Variants in EXOSC8 observed in about 807,000 individuals in gnomAD.
The protein encoded by EXOSC8 is exosome complex component RRP43.
In EXOSC8, 37 loss-of-function variants were observed where a neutral mutation model predicts 39.9. The observed-to-expected ratio is 0.93, with a 90% CI of 0.71 to 1.22. The LOEUF (loss-of-function observed/expected upper bound fraction) is 1.22, where lower values mean the gene tolerates loss of function less well. Among genes scored for constraint, EXOSC8 ranks in the 50% most tolerant of loss-of-function variants. The probability of loss-of-function intolerance (pLI) is 0.00; values close to 1 mark genes in which losing one functional copy is unlikely to be tolerated. For missense variants in EXOSC8, 313 were observed against 326.6 expected, an observed-to-expected ratio of 0.96 and a Z score of 0.32; for synonymous variants, 93 against 109.5, an observed-to-expected ratio of 0.85 and a Z score of 0.94.
chr13:37,004,864 C>T (rs1005147030), intron 5 of EXOSC8, among the ~76,000 whole-genome samples: 10 of 152,040 alleles, frequency 6.6e-5, no homozygotes, highest in African/African-American at 2.4e-4. Flanking sequence ...ACCTATAATA[C>T]CAGGATTTTG....
chr13:37,008,740 T>C lies in EXOSC8; in HGVS notation c.620T>C (p.Ile207Thr), dbSNP rs776312363. 1.1e-5 allele frequency: 17 copies of C among 1,608,150 alleles called. No individual in the cohort carries two copies. The South Asian group carries it at 1.8e-4, about 17-fold the overall frequency. ...SFAVFDDTLL[I>T]VDPTGEEEHL... ...TTTTCTTTTTATAGCACTTTGCTTATAGTTGACCCTACTGGAGAGGAGGAA... is the reference window on the plus strand; with the variant it reads ...TTTTCTTTTTATAGCACTTTGCTTACAGTTGACCCTACTGGAGAGGAGGAA... The change falls in exon 10 of 11, where the codon ATA becomes ACA. Residue 207 changes from isoleucine (I) to threonine (T), a missense_variant. Ile to Thr is a moderately conservative substitution (Grantham distance 89). Transcript: ENST00000389704.
chr13:37,003,873 C>CT (rs771339894), intron 4 of EXOSC8: 2,729 of 138,518 alleles, frequency 0.02, 74 homozygotes, highest in African/African-American at 0.062. Context: ...AGAGCATTTG[C>CT]TTTTTTTTTT....
rs371430418 is a variant in EXOSC8, at chr13:37,000,793, C to G, written c.-13C>G. ...GAGAGGAGCGGCGCAGGCGCAGACG[C>G]GCGGGCGGGAAGATGGCGGCTGGGT... On this transcript the variant is annotated 5_prime_UTR_variant, in exon 1 of 11. Transcript: ENST00000389704. 6.3e-7 allele frequency: 1 copy of G among 1,579,390 alleles called. No individual in the cohort carries two copies. The highest frequency in any genetic ancestry group is 8.6e-7 in the Non-Finnish European group (1 of 1,163,092).
chr13:37,000,952 G>A, intron 1 of EXOSC8, 130 bp downstream of exon 1: 1 of 1,171,412 alleles, frequency 8.5e-7, no homozygotes, highest in South Asian at 1.6e-5. Context: ...CGTCGAGGCA[G>A]ACGATGGGCG....
intron 1 of EXOSC8, 76 bp from the exon 2 acceptor site, chr13:37,002,197 A>G: frequency 8.9e-7 from 1 of 1,126,110 alleles, no homozygotes; most frequent in African/African-American, 1.5e-5. Flanking sequence ...CACCACACTT[A>G]AGATCTTTGC....
intron 8 of EXOSC8, among the ~76,000 whole-genome samples, chr13:37,007,773 T>C (rs1312776243): frequency 6.6e-6 from 1 of 151,942 alleles, no homozygotes; most frequent in Non-Finnish European, 1.5e-5. Flanking sequence ...ACAATGAAAA[T>C]ATGAAAATGC....
rs1566073641 is a variant in EXOSC8, at chr13:37,002,496, C to T, written c.63C>T (p.Asn21=). ...LEYYRRFLKE[N]CRPDGRELGE... is the part of the protein sequence containing the mutation. The stretch of plus-strand genomic sequence containing the variant: ...TAAACATATTTATTTAGAAAGAGAA[C>T]TGCCGTCCTGATGGAAGAGAACTTG... Residue 21 remains asparagine, a synonymous_variant, in exon 3 of 11, where the codon AAC becomes AAT. Coordinates refer to ENST00000389704, the MANE Select transcript of EXOSC8 (RefSeq NM_181503.3). 6.3e-7 allele frequency: 1 copy of T among 1,578,164 alleles called. No homozygotes were observed. Among genetic ancestry groups the T allele is most frequent in the Non-Finnish European group, 8.6e-7 (1 of 1,157,804 alleles).
chr13:37,009,428 T>C lies in EXOSC8; in HGVS notation c.*129T>C. ...ATGTTTCTATTATTTCTTAGGTCACTTCCATATATATTATGTATAGTGAAA... is the reference window on the plus strand; with the variant it reads ...ATGTTTCTATTATTTCTTAGGTCACCTCCATATATATTATGTATAGTGAAA... On this transcript the variant is annotated 3_prime_UTR_variant, in exon 11 of 11. Coordinates refer to ENST00000389704, the MANE Select transcript of EXOSC8 (RefSeq NM_181503.3). The C allele has an allele frequency of 1.3e-6, 1 of 741,782 alleles. No homozygotes were observed. Among genetic ancestry groups the C allele is most frequent in the South Asian group, 1.9e-5 (1 of 53,010 alleles). 46.0% of individuals were successfully genotyped at this position (741,782 alleles called of 1,614,324 possible).
rs2059093875 is a variant in EXOSC8, at chr13:37,000,825, G to A, written c.17+3G>A. On this transcript the variant is annotated splice_donor_region_variant and intron_variant, in intron 1 of 10. Transcript: ENST00000389704. ...GGGAAGATGGCGGCTGGGTTCAAGT[G>A]AGTGTTGGCGGGTGGCGGGTAGAGT... 6.3e-7 allele frequency: 1 copy of A among 1,576,246 alleles called. No homozygotes were observed. Among genetic ancestry groups the A allele is most frequent in the Admixed American group, 1.8e-5 (1 of 54,950 alleles).
chr13:37,003,705 T>G (rs1358699242), intron 4 of EXOSC8: 2 of 152,314 alleles, frequency 1.3e-5, no homozygotes, highest in Admixed American at 1.3e-4. Context: ...ATTTAACAGG[T>G]CTATCTCATT....
At position 37,009,597 on chromosome 13, in the gene EXOSC8, C is replaced by A. The variant is rs2059227820; in HGVS notation, c.*298C>A. On this transcript the variant is annotated 3_prime_UTR_variant, in exon 11 of 11. Transcript: ENST00000389704. ...TAAAATACTGACACATTAAAAAAAA[C>A]AAAAAGTAGAAACTCAATTCTTTTG... 1.3e-6 allele frequency: 2 copies of A among 1,575,064 alleles called. No homozygotes were observed. Among genetic ancestry groups the A allele is most frequent in the Admixed American group, 1.7e-5 (1 of 59,242 alleles).
intron 5 of EXOSC8, 140 bp from the exon 6 acceptor site, chr13:37,005,780 C>G (rs1256959094): frequency 1.9e-6 from 1 of 520,716 alleles, no homozygotes; most frequent in Non-Finnish European, 3.3e-6. Context: ...AAGGAAATCT[C>G]TTGAACCTGG....
chr13:37,002,398 A>G (rs2059112389), intron 2 of EXOSC8, 89 bp downstream of exon 2: 2 of 1,383,472 alleles, frequency 1.4e-6, no homozygotes, highest in Non-Finnish European at 2.0e-6. Context: ...ATCCATTTGA[A>G]GTAACATTTA....
chr13:37,009,538 G>T lies in EXOSC8; in HGVS notation c.*239G>T. The T allele has an allele frequency of 1.8e-6, 2 of 1,106,830 alleles. No homozygotes were observed. Among genetic ancestry groups the T allele is most frequent in the South Asian group, 1.4e-5 (1 of 72,860 alleles). The allele number at this position is 1,106,830 out of a possible 1,614,324, so 68.6% of individuals were successfully genotyped here. A position where few individuals can be genotyped will look rare whatever the true frequency, so the allele number is the denominator to read the frequency against. On this transcript the variant is annotated 3_prime_UTR_variant, in exon 11 of 11. Transcript: ENST00000389704. ...GTTTTTATTTAAAAATGATAAGGTT[G>T]TGCTTCTGTATAAAGTTTGTACATC...
In EXOSC8 at chr13:37,009,257, A is replaced by C. The variant is rs1194319495; in HGVS notation, c.789A>C (p.Lys263Asn). Residue 263 changes from lysine (K) to asparagine (N), a missense_variant, in exon 11 of 11, where the codon AAA becomes AAC. By Grantham distance (94) the Lys-to-Asn change is moderately conservative. Transcript: ENST00000389704. ...SRAVTRHKEV[K>N]KLMDEVIKSM... ...CAGTTACAAGACACAAAGAAGTTAA[A>C]AAACTGATGGATGAAGTAATTAAGA... The C allele has an allele frequency of 1.2e-6, 2 of 1,612,830 alleles. No individual in the cohort carries two copies. The highest frequency in any genetic ancestry group is 3.3e-5 in the Admixed American group (2 of 60,002).
Position 37,004,557 on chromosome 13 carries a change from C to G in EXOSC8, c.234C>G (p.Tyr78Ter). The G allele has an allele frequency of 6.3e-7, 1 of 1,596,152 alleles. No individual in the cohort carries two copies. The highest frequency in any genetic ancestry group is 8.6e-7 in the Non-Finnish European group (1 of 1,165,256). ...APSTDAPDKG[Y>*]VVPNVDLPPL... ...CAACAGATGCCCCTGATAAAGGATA[C>G]GTTGGTAAGTTAAATGGTTTTGTAA... is the stretch of plus-strand genomic sequence containing the variant. The change falls in exon 5 of 11, where the codon TAC becomes TAG. Residue 78 changes from tyrosine (Y) to a stop codon, truncating the protein, a stop_gained. Transcript: ENST00000389704. LOFTEE classifies it high-confidence loss of function.
chr13:37,001,156 T>C (rs930789978), intron 1 of EXOSC8, among the ~76,000 whole-genome samples: 1 of 152,166 alleles, frequency 6.6e-6, no homozygotes, highest in East Asian at 1.9e-4. Context: ...ACGCCTGTAA[T>C]CCCAGCACTT....
chr13:37,008,523 A>T (rs2059170791), intron 9 of EXOSC8, among the ~76,000 whole-genome samples: 1 of 152,230 alleles, frequency 6.6e-6, no homozygotes, highest in African/African-American at 2.4e-5. Context: ...TGGGAGGCTG[A>T]GGCAGGGGAT....
In EXOSC8 at chr13:37,009,213, C is replaced by T; in HGVS notation, c.745C>T (p.Gln249Ter). ...AAGTGGGCTAACTGGAGCTAAACTT[C>T]AGGACTGTATGAGCCGAGCAGTTAC... ...GGSGLTGAKL[Q>*]DCMSRAVTRH... The change falls in exon 11 of 11, where the codon CAG becomes TAG. Residue 249 changes from glutamine (Q) to a stop codon, truncating the protein, a stop_gained. Coordinates refer to ENST00000389704, the MANE Select transcript of EXOSC8 (RefSeq NM_181503.3). LOFTEE classifies it high-confidence loss of function. 1 of 1,613,386 alleles carries T rather than the reference C, an allele frequency of 6.2e-7. No individual in the cohort carries two copies.
Sources: allele counts gnomAD v4.1 joint callset (sites outside exome capture counted in the v4.1 genomes callset), GRCh38; gene constraint gnomAD v4.1.1; transcripts MANE v1.5; gene names NCBI Gene and HGNC (gene_info 2026-07-23, HGNC 2026-07-21).